NCAM2: variants seen among roughly 807,000 people sequenced by gnomAD.
NCAM2 encodes N-CAM-2.
Under a neutral mutation model 98.1 loss-of-function variants are expected in NCAM2, and 30 were observed. That is an observed-to-expected ratio of 0.31 (90% CI 0.23 to 0.41). The LOEUF is 0.41. Ranked by LOEUF, NCAM2 falls within the 10% of genes least tolerant of loss-of-function variation. The probability of loss-of-function intolerance (pLI) is 1.00; values close to 1 mark genes in which losing one functional copy is unlikely to be tolerated. For missense variants in NCAM2, 867 were observed against 1,005.8 expected (o/e 0.86, Z 1.87); for synonymous variants, 368 against 342.4 (o/e 1.07, Z -0.83).
In NCAM2 at chr21:21,541,576, A is replaced by G. The variant is rs536180314; in HGVS notation, c.*3619A>G. ...ACTTTTGAAAATCAAGCAAATTACT[A>G]TGGTGTTTCTTGGGTCTTCATTATT... On this transcript the variant is annotated 3_prime_UTR_variant, in exon 18 of 18. Coordinates refer to ENST00000400546, the MANE Select transcript of NCAM2 (RefSeq NM_004540.5). 1.3e-5 allele frequency: 2 copies of G among 151,746 alleles called. No individual in the cohort carries two copies. The highest frequency in any genetic ancestry group is 4.1e-4 in the South Asian group (2 of 4,828). The allele number at this position is 151,746 out of a possible 1,614,324, so 9.4% of individuals were successfully genotyped here. A position where few individuals can be genotyped will look rare whatever the true frequency, so the allele number is the denominator to read the frequency against.
At chr21:21,351,396 A>C (rs953297997) in intron 8 of NCAM2, among the ~76,000 whole-genome samples, 1 of 152,066 alleles carries the variant, frequency 6.6e-6, no homozygotes, top group Non-Finnish European at 1.5e-5. Flanking sequence ...TGTGTTTACA[A>C]ATTGGAAACC....
intron 5 of NCAM2, among the ~76,000 whole-genome samples, chr21:21,305,258 C>T (rs192073090): frequency 6.6e-5 from 10 of 152,132 alleles, no homozygotes; most frequent in African/African-American, 1.7e-4. Context: ...GTGGAGGTTG[C>T]GGTGAGCCAA....
chr21:21,521,470 G>A (rs1437864277), intron 16 of NCAM2, among the ~76,000 whole-genome samples: 1 of 152,176 alleles, frequency 6.6e-6, no homozygotes, highest in African/African-American at 2.4e-5. Context: ...TGATGGCGAT[G>A]TTGGAATTAT....
Position 21,472,514 on chromosome 21 carries a change from C to A in NCAM2, c.1896+3731C>A, listed in dbSNP as rs1211192725. ...CTTATGGACATTAAAGAGTAGCAAG[C>A]ATTTTAGTAATTTTTCTTTGCTGTA... On this transcript the variant is annotated intron_variant, in intron 14 of 17. Transcript: ENST00000400546. 5.9e-5 allele frequency among the ~76,000 whole-genome samples: 9 copies of A among 152,022 alleles called. No homozygotes were observed. The East Asian group carries it at 9.7e-4, about 16-fold the overall frequency.
At chr21:21,440,747 A>G (rs1205483582) in intron 12 of NCAM2, among the ~76,000 whole-genome samples, 1 of 152,072 alleles carries the variant, frequency 6.6e-6, no homozygotes, top group East Asian at 1.9e-4. Flanking sequence ...AGAAAAAAGA[A>G]AAGAAAAAAA....
Position 21,324,384 on chromosome 21 carries a change from G to C in NCAM2, c.621G>C (p.Val207=). The C allele has an allele frequency of 6.2e-7, 1 of 1,610,800 alleles. No homozygotes were observed. The highest frequency in any genetic ancestry group is 8.5e-7 in the Non-Finnish European group (1 of 1,177,310). Residue 207 remains valine (V), a splice_region_variant and synonymous_variant, in exon 6 of 18, where the codon GTG becomes GTC. Transcript: ENST00000400546. ...DFRDIIVIVN[V]PPAISMPQKS... is the part of the protein sequence containing the mutation. ...ATTCTGTATTCATCTCTCCTTCAGT[G>C]CCGCCAGCAATCTCAATGCCTCAGA...
intron 1 of NCAM2, among the ~76,000 whole-genome samples, chr21:21,035,392 G>A (rs1322480577): frequency 6.6e-6 from 1 of 152,076 alleles, no homozygotes; most frequent in Non-Finnish European, 1.5e-5. Flanking sequence ...AGAGAGAAAG[G>A]TAAATGTTTC....
At chr21:21,491,798 G>A (rs1173683786) in intron 15 of NCAM2, among the ~76,000 whole-genome samples, 1 of 151,120 alleles carries the variant, frequency 6.6e-6, no homozygotes, top group African/African-American at 2.4e-5. Context: ...AAACATGCTT[G>A]TGTATATTTC....
intron 1 of NCAM2, among the ~76,000 whole-genome samples, chr21:21,053,468 T>A (rs1466421580): frequency 6.6e-6 from 1 of 151,902 alleles, no homozygotes. Context: ...TTTTAAATTC[T>A]TTTTTGTGTG....
At chr21:21,273,419 A>T (rs1356302097) in intron 1 of NCAM2, among the ~76,000 whole-genome samples, 3 of 152,210 alleles carry the variant, frequency 2.0e-5, no homozygotes, top group Admixed American at 6.5e-5. Context: ...TATACTATAT[A>T]CTATCCTTAC....
intron 15 of NCAM2, among the ~76,000 whole-genome samples, chr21:21,507,334 A>G (rs888884496): frequency 2.0e-5 from 3 of 152,182 alleles, no homozygotes; most frequent in Admixed American, 2.0e-4. Flanking sequence ...AACTTTTTAT[A>G]CATATATAAA....
In NCAM2 at chr21:21,331,519, A is replaced by ATATATATATATACTC. The variant is rs2074689877; in HGVS notation, c.738-3974_738-3973insCTCTATATATATATA. Among the ~76,000 whole-genome samples, 8 of 8,826 alleles carry ATATATATATATACTC rather than the reference A, an allele frequency of 9.1e-4. 1 individual carries two copies. The highest frequency in any genetic ancestry group is 4.0e-3 in the South Asian group (1 of 252). 5.8% of individuals were successfully genotyped at this position (8,826 alleles called of 152,430 possible). A position where few individuals can be genotyped will look rare whatever the true frequency, so the allele number is the denominator to read the frequency against. On this transcript the variant is annotated intron_variant, in intron 6 of 17. Coordinates refer to ENST00000400546, the MANE Select transcript of NCAM2 (RefSeq NM_004540.5). ...TATATACTCTATACTCTCTCTCTCT[A>ATATATATATATACTC]TATATATATATATATACTCTATATA...
chr21:21,429,445 A>G (rs1363244916), intron 11 of NCAM2, among the ~76,000 whole-genome samples: 1 of 152,200 alleles, frequency 6.6e-6, no homozygotes. Flanking sequence ...ACATGTCCCC[A>G]AACTGGAGTG....
intron 6 of NCAM2, among the ~76,000 whole-genome samples, chr21:21,334,170 T>A (rs1167866766): frequency 1.3e-5 from 2 of 152,024 alleles, no homozygotes; most frequent in Non-Finnish European, 2.9e-5. Flanking sequence ...TAACCTCAAG[T>A]GATCCACCGG....
intron 15 of NCAM2, among the ~76,000 whole-genome samples, chr21:21,497,081 C>T (rs1170213157): frequency 6.6e-6 from 1 of 152,004 alleles, no homozygotes; most frequent in Non-Finnish European, 1.5e-5. Flanking sequence ...GAGCGGGAGG[C>T]CATAGTCCTA....
intron 1 of NCAM2, among the ~76,000 whole-genome samples, chr21:21,180,537 AATAAT>A (rs2068435998): frequency 6.6e-6 from 1 of 152,196 alleles, no homozygotes; most frequent in South Asian, 2.1e-4. Context: ...TTAACTACTC[AATAAT>A]ATAATTTATT....
chr21:21,167,567 C>T (rs1428523317), intron 1 of NCAM2, among the ~76,000 whole-genome samples: 1 of 152,056 alleles, frequency 6.6e-6, no homozygotes, highest in Non-Finnish European at 1.5e-5. Context: ...GATTGACAAA[C>T]TTCGTTCCAT....
chr21:21,118,854 C>G (rs965261842), intron 1 of NCAM2, among the ~76,000 whole-genome samples: 5 of 152,110 alleles, frequency 3.3e-5, no homozygotes, highest in African/African-American at 1.2e-4. Context: ...AAACCTCCCT[C>G]TCCCCAGTGT....
chr21:21,292,229 G>A lies in NCAM2; in HGVS notation c.607G>A (p.Val203Ile), dbSNP rs990255529. The A allele has an allele frequency of 1.7e-5, 27 of 1,608,562 alleles. No individual in the cohort carries two copies. The Admixed American group carries it at 2.5e-4, about 15-fold the overall frequency. The part of the protein sequence containing the change: ...RGEIDFRDII[V>I]IVNVPPAISM... ...AGAAATTGACTTCCGTGATATCATT[G>A]TTATTGTTAATGGTAAGCAGTAAAT... The change falls in exon 5 of 18, where the codon GTT becomes ATT. Residue 203 changes from valine (V) to isoleucine (I), a missense_variant. Coordinates refer to ENST00000400546, the MANE Select transcript of NCAM2 (RefSeq NM_004540.5).
Sources: allele counts gnomAD v4.1 joint callset (sites outside exome capture counted in the v4.1 genomes callset), GRCh38; gene constraint gnomAD v4.1.1; transcripts MANE v1.5; gene names NCBI Gene and HGNC (gene_info 2026-07-23, HGNC 2026-07-21).